Variants in REDIC1 observed in about 807,000 individuals in gnomAD.
REDIC1 encodes regulator of DNA class I crossover intermediates 1, also known as HEI10 Interacting Protein 1.
the REDIC1 span, among the ~76,000 whole-genome samples, chr12:39,895,308 G>A: frequency 2.6e-5 from 4 of 151,452 alleles, no homozygotes; most frequent in Non-Finnish European, 5.9e-5. Flanking sequence ...GGCTAATACG[G>A]GGAAATCCCG....
At chr12:39,744,681 G>A in the REDIC1 span, among the ~76,000 whole-genome samples, 2 of 152,034 alleles carry the variant, frequency 1.3e-5, no homozygotes, top group East Asian at 3.8e-4. Flanking sequence ...AAATATAACT[G>A]AAATAAATAA....
At chr12:39,711,226 A>T in the REDIC1 span, among the ~76,000 whole-genome samples, 61 of 150,266 alleles carry the variant, frequency 4.1e-4, 1 homozygote, top group East Asian at 8.6e-3. Context: ...TTTTTAATCT[A>T]CCATATATAT....
At chr12:39,768,145 T>C in the REDIC1 span, among the ~76,000 whole-genome samples, 1 of 152,112 alleles carries the variant, frequency 6.6e-6, no homozygotes, top group African/African-American at 2.4e-5. Context: ...TTAAACCTCA[T>C]GAACCAACCT....
the REDIC1 span, among the ~76,000 whole-genome samples, chr12:39,837,718 C>T: frequency 6.6e-6 from 1 of 152,166 alleles, no homozygotes; most frequent in Non-Finnish European, 1.5e-5. Flanking sequence ...GACATTTATA[C>T]AACCAAAAAA....
the REDIC1 span, among the ~76,000 whole-genome samples, chr12:39,865,912 A>G: frequency 6.6e-6 from 1 of 152,236 alleles, no homozygotes; most frequent in Non-Finnish European, 1.5e-5. Context: ...AGATGAAAAA[A>G]CTACTTATTG....
the REDIC1 span, chr12:39,830,210 C>T: frequency 1.2e-6 from 2 of 1,613,304 alleles, no homozygotes; most frequent in South Asian, 2.2e-5. Flanking sequence ...CTGGATCCAA[C>T]ATACATTCAT....
the REDIC1 span, among the ~76,000 whole-genome samples, chr12:39,627,232 A>G: frequency 6.6e-6 from 1 of 152,162 alleles, no homozygotes; most frequent in African/African-American, 2.4e-5. Context: ...ATGCACTTTT[A>G]TCCTGTTGAA....
the REDIC1 span, chr12:39,684,333 G>A: frequency 1.2e-6 from 1 of 867,704 alleles, no homozygotes; most frequent in Non-Finnish European, 1.4e-6. Flanking sequence ...TAACTTTCTT[G>A]GTAATAATTA....
the REDIC1 span, among the ~76,000 whole-genome samples, chr12:39,840,666 C>T: frequency 2.9e-3 from 437 of 152,040 alleles, 2 homozygotes; most frequent in African/African-American, 9.9e-3. Context: ...ACTTCCTGAC[C>T]CCAGCAGAAT....
the REDIC1 span, among the ~76,000 whole-genome samples, chr12:39,718,683 G>T: frequency 6.6e-6 from 1 of 151,600 alleles, no homozygotes; most frequent in African/African-American, 2.4e-5. Flanking sequence ...TTTTTTCCTG[G>T]AATAGGGCAC....
At chr12:39,700,404 C>T in the REDIC1 span, among the ~76,000 whole-genome samples, 1,370 of 152,190 alleles carry the variant, frequency 9.0e-3, 25 homozygotes, top group African/African-American at 0.031. Context: ...TAAAAAGCAA[C>T]GAGCAAAGCC....
the REDIC1 span, among the ~76,000 whole-genome samples, chr12:39,662,854 G>A: frequency 6.6e-6 from 1 of 152,024 alleles, no homozygotes; most frequent in African/African-American, 2.4e-5. Context: ...GAATTTTATT[G>A]CATGCTTTTC....
chr12:39,876,526 G>A, the REDIC1 span, among the ~76,000 whole-genome samples: 4 of 151,810 alleles, frequency 2.6e-5, no homozygotes, highest in Non-Finnish European at 5.9e-5. Flanking sequence ...AAGAAATTAA[G>A]AATAATTATA....
the REDIC1 span, among the ~76,000 whole-genome samples, chr12:39,701,424 C>G: frequency 6.6e-6 from 1 of 152,166 alleles, no homozygotes; most frequent in Non-Finnish European, 1.5e-5. Flanking sequence ...CAGGAGCACC[C>G]AGATTCATAA....
the REDIC1 span, among the ~76,000 whole-genome samples, chr12:39,843,997 G>A: frequency 4.6e-5 from 7 of 152,014 alleles, no homozygotes; most frequent in Admixed American, 4.6e-4. Flanking sequence ...GTAGGTCATA[G>A]AGCTTTACCA....
At chr12:39,878,133 G>T in the REDIC1 span, among the ~76,000 whole-genome samples, 3 of 152,202 alleles carry the variant, frequency 2.0e-5, no homozygotes, top group Non-Finnish European at 4.4e-5. Context: ...CTACATAGGA[G>T]TAAACCAATT....
At chr12:39,871,727 A>AT in the REDIC1 span, 1 of 1,446,694 alleles carries the variant, frequency 6.9e-7, no homozygotes, top group African/African-American at 1.4e-5. Context: ...TAAGTATTGT[A>AT]TTTTTGAAGG....
chr12:39,705,409 C>T, the REDIC1 span, among the ~76,000 whole-genome samples: 6 of 151,970 alleles, frequency 3.9e-5, no homozygotes, highest in Non-Finnish European at 8.8e-5. Context: ...ACCAGTCCTA[C>T]TAAAAATATT....
chr12:39,738,915 G>A, the REDIC1 span, among the ~76,000 whole-genome samples: 1 of 152,046 alleles, frequency 6.6e-6, no homozygotes, highest in Non-Finnish European at 1.5e-5. Flanking sequence ...ACAACCAGAT[G>A]TACTGTGTAT....
Sources: allele counts gnomAD v4.1 joint callset (sites outside exome capture counted in the v4.1 genomes callset), GRCh38; gene constraint gnomAD v4.1.1; transcripts MANE v1.5; gene names NCBI Gene and HGNC (gene_info 2026-07-23, HGNC 2026-07-21).